MLLT1: variants seen among roughly 807,000 people sequenced by gnomAD.
MLLT1 encodes the protein MLLT1 super elongation complex subunit, also known as protein ENL.
MLLT1 carries 11 observed loss-of-function variants against 55.1 expected under a neutral mutation model. The ratio of observed to expected loss-of-function variants is 0.20; its 90% CI spans 0.13 to 0.33. The LOEUF is 0.33. Among genes scored for constraint, MLLT1 ranks in the 10% least tolerant of loss-of-function variants. The probability of loss-of-function intolerance (pLI) is 1.00; values close to 1 mark genes in which losing one functional copy is unlikely to be tolerated. For missense variants in MLLT1, 536 were observed against 760.6 expected (o/e 0.70, Z 3.47); for synonymous variants, 323 against 320.1 (o/e 1.01, Z -0.10).
chr19:6,266,493 G>T (rs1376541162), intron 2 of MLLT1, among the ~76,000 whole-genome samples: 6 of 152,072 alleles, frequency 3.9e-5, no homozygotes, highest in African/African-American at 1.4e-4. Flanking sequence ...GTTTCTCTCT[G>T]TCACCCAGGC....
At chr19:6,277,929 G>A (rs1385701857) in intron 1 of MLLT1, among the ~76,000 whole-genome samples, 4 of 152,222 alleles carry the variant, frequency 2.6e-5, no homozygotes, top group African/African-American at 9.6e-5. Context: ...CCAATCAACT[G>A]CTGCAAACTC....
rs376369570 is a variant in MLLT1 at position 6,213,156 on chromosome 19, G to A, written c.1566C>T (p.Ile522=). 9 of 1,613,834 alleles carry A rather than the reference G, an allele frequency of 5.6e-6. No homozygotes were observed. Among genetic ancestry groups the A allele is most frequent in the South Asian group, 4.4e-5 (4 of 91,078 alleles). Residue 522 remains isoleucine (I), a synonymous_variant, in exon 12 of 12, where the codon ATC becomes ATT. Transcript: ENST00000252674. ...RNVLQQIVNL[I]EETGHFNVTN... ...TGACATTGAAGTGGCCAGTCTCCTC[G>A]ATCAGATTCACAATCTGTAAGGTGG...
chr19:6,216,939 A>C, intron 7 of MLLT1: 1 of 179,398 alleles, frequency 5.6e-6, no homozygotes, highest in South Asian at 1.1e-4. Flanking sequence ...CCTGCACCCT[A>C]CGCCGGCCTG....
At chr19:6,228,448 G>T (rs906500393) in intron 4 of MLLT1, among the ~76,000 whole-genome samples, 1 of 152,172 alleles carries the variant, frequency 6.6e-6, no homozygotes, top group African/African-American at 2.4e-5. Flanking sequence ...AACAAGTGCT[G>T]CCAGGAGGAC....
At chr19:6,269,926 T>G (rs1193601727) in intron 2 of MLLT1, among the ~76,000 whole-genome samples, 1 of 152,040 alleles carries the variant, frequency 6.6e-6, no homozygotes, top group Non-Finnish European at 1.5e-5. Flanking sequence ...CTGATGGCGC[T>G]CACCAGACCA....
chr19:6,262,548 C>T lies in MLLT1; in HGVS notation c.194-238G>A, dbSNP rs546496230. On this transcript the variant is annotated intron_variant, in intron 2 of 11. Transcript: ENST00000252674. This position sits in a 1 kb window ranked among gnomAD's most constrained non-coding sequence, Gnocchi z 4.4. ...AAGGAGACTTGGCCACCGGCATGGT[C>T]AGCAGAGAGTGAGAAGGAACGTTAG... is the stretch of plus-strand genomic sequence containing the variant. 1.6e-4 allele frequency among the ~76,000 whole-genome samples: 25 copies of T among 152,308 alleles called. No homozygotes were observed. Among genetic ancestry groups the T allele is most frequent in the African/African-American group, 6.0e-4 (25 of 41,564 alleles).
intron 6 of MLLT1, among the ~76,000 whole-genome samples, chr19:6,221,443 T>G (rs764522641): frequency 1.2e-4 from 19 of 152,214 alleles, no homozygotes; most frequent in Non-Finnish European, 2.2e-4. Flanking sequence ...GTCCGGACGC[T>G]GTGCTGTGGG....
chr19:6,276,290 C>T (rs1209885644), intron 1 of MLLT1, among the ~76,000 whole-genome samples: 1 of 152,142 alleles, frequency 6.6e-6, no homozygotes, highest in Admixed American at 6.5e-5. Context: ...GCTTTTCGGG[C>T]AGGTTTGGGG....
At position 6,216,461 on chromosome 19, in the gene MLLT1, G is replaced by A. The variant is rs368482950; in HGVS notation, c.1251C>T (p.Asp417=). The A allele has an allele frequency of 1.7e-4, 266 of 1,608,984 alleles. 2 individuals carry two copies. The South Asian group carries it at 2.2e-3, about 14-fold the overall frequency. The part of the protein sequence containing the change: ...EDLQSEESDE[D]DSSSGEEAAG... ...CAGCCTCCTCGCCTGACGAAGAGTCGTCCTCGTCGGACTCCTCGGACTGCA... is the reference window on the plus strand; with the variant it reads ...CAGCCTCCTCGCCTGACGAAGAGTCATCCTCGTCGGACTCCTCGGACTGCA... The change falls in exon 8 of 12, where the codon GAC becomes GAT. Residue 417 remains aspartate (D), a synonymous_variant. Coordinates refer to ENST00000252674, the MANE Select transcript of MLLT1 (RefSeq NM_005934.4).
intron 3 of MLLT1, among the ~76,000 whole-genome samples, chr19:6,236,521 A>G (rs952549280): frequency 3.9e-5 from 6 of 152,202 alleles, no homozygotes; most frequent in African/African-American, 1.4e-4. Context: ...AGAGAGGGGC[A>G]GCACCGAAAA....
Position 6,231,058 on chromosome 19 carries a change from C to T in MLLT1, c.277-345G>A, listed in dbSNP as rs1204242961. Among the ~76,000 whole-genome samples the T allele has an allele frequency of 6.6e-6, 1 of 152,238 alleles. No individual in the cohort carries two copies. Among genetic ancestry groups the T allele is most frequent in the East Asian group, 1.9e-4 (1 of 5,194 alleles). On this transcript the variant is annotated intron_variant, in intron 3 of 11. Coordinates refer to ENST00000252674, the MANE Select transcript of MLLT1 (RefSeq NM_005934.4). The surrounding 1 kb of genome is among the most constrained non-coding windows in gnomAD (Gnocchi z 5.1). ...ACAGACACCAACTAACACGTGGCAGCACTGAGACCTGCCCCAGGCCTCTGA... is the reference window on the plus strand; with the variant it reads ...ACAGACACCAACTAACACGTGGCAGTACTGAGACCTGCCCCAGGCCTCTGA...
chr19:6,238,631 C>T (rs146465109), intron 3 of MLLT1, among the ~76,000 whole-genome samples: 1 of 152,374 alleles, frequency 6.6e-6, no homozygotes, highest in East Asian at 1.9e-4. Context: ...GAATTCAACA[C>T]CACCTGTGTC....
chr19:6,220,802 AG>A (rs1336431947), intron 6 of MLLT1, among the ~76,000 whole-genome samples: 1 of 152,192 alleles, frequency 6.6e-6, no homozygotes, highest in Non-Finnish European at 1.5e-5. Flanking sequence ...CAGGCAGAGA[AG>A]GGGTCAGGCT....
intron 6 of MLLT1, among the ~76,000 whole-genome samples, chr19:6,220,383 G>A (rs990613498): frequency 4.6e-5 from 7 of 152,236 alleles, no homozygotes; most frequent in East Asian, 1.9e-4. Flanking sequence ...GCGCTAAGCC[G>A]CATTGCTCAA....
intron 7 of MLLT1, chr19:6,216,995 T>C (rs1185676765): frequency 1.9e-5 from 3 of 159,728 alleles, no homozygotes; most frequent in African/African-American, 4.8e-5. Flanking sequence ...TCCACCGTCC[T>C]CCCCTTTCTC....
rs2091412454 is a variant in MLLT1 at position 6,273,778 on chromosome 19, T to C, written c.13-3019A>G. On this transcript the variant is annotated intron_variant, in intron 1 of 11. Coordinates refer to ENST00000252674, the MANE Select transcript of MLLT1 (RefSeq NM_005934.4). The surrounding 1 kb of genome is among the most constrained non-coding windows in gnomAD (Gnocchi z 4.3). ...TTCTGTGGAGCTGACTCCCACACAA[T>C]GACAGTGTCTCCTCGGAATCGCTTA... Among the ~76,000 whole-genome samples the C allele has an allele frequency of 6.6e-6, 1 of 152,178 alleles. No individual in the cohort carries two copies. The highest frequency in any genetic ancestry group is 1.5e-5 in the Non-Finnish European group (1 of 68,038).
At chr19:6,257,455 A>G (rs2091267052) in intron 3 of MLLT1, among the ~76,000 whole-genome samples, 3 of 152,226 alleles carry the variant, frequency 2.0e-5, no homozygotes, top group Middle Eastern at 3.4e-3. Flanking sequence ...CATACCCAAA[A>G]TATTTAAAAA....
chr19:6,227,456 G>A lies in MLLT1; in HGVS notation c.421-354C>T, dbSNP rs1470074691. On this transcript the variant is annotated intron_variant, in intron 4 of 11. Transcript: ENST00000252674. The surrounding 1 kb of genome is among the most constrained non-coding windows in gnomAD (Gnocchi z 5.1). ...GCCGAAGCCTGACCTACGCGCTTAGGTTTAGGGGGAACAGCTCAGAAGTGT... is the reference window on the plus strand; with the variant it reads ...GCCGAAGCCTGACCTACGCGCTTAGATTTAGGGGGAACAGCTCAGAAGTGT... Among the ~76,000 whole-genome samples, 3 of 152,232 alleles carry A rather than the reference G, an allele frequency of 2.0e-5. No individual in the cohort carries two copies. The highest frequency in any genetic ancestry group is 4.4e-5 in the Non-Finnish European group (3 of 68,038).
Position 6,227,773 on chromosome 19 carries a change from G to A in MLLT1, c.421-671C>T, listed in dbSNP as rs573256181. On this transcript the variant is annotated intron_variant, in intron 4 of 11. Transcript: ENST00000252674. The surrounding 1 kb of genome is among the most constrained non-coding windows in gnomAD (Gnocchi z 5.1). Reference sequence around the variant, plus strand: ...AGGCTACGGATGACGAAAGTTCTGGGGTCCTTCCAGGAGGGCTCCCAGGAA... The same window carrying A: ...AGGCTACGGATGACGAAAGTTCTGGAGTCCTTCCAGGAGGGCTCCCAGGAA... Among the ~76,000 whole-genome samples the A allele has an allele frequency of 1.3e-5, 2 of 152,284 alleles. No individual in the cohort carries two copies. The highest frequency in any genetic ancestry group is 2.9e-5 in the Non-Finnish European group (2 of 68,020).
Sources: allele counts gnomAD v4.1 joint callset (sites outside exome capture counted in the v4.1 genomes callset), GRCh38; gene constraint gnomAD v4.1.1; non-coding constraint Gnocchi (gnomAD v3.1); transcripts MANE v1.5; gene names NCBI Gene and HGNC (gene_info 2026-07-23, HGNC 2026-07-21).